Variants in STARD7 observed in about 807,000 individuals in gnomAD.
The protein encoded by STARD7 is StAR related lipid transfer domain containing 7, also known as stAR-related lipid transfer protein 7, mitochondrial.
In STARD7, 30 loss-of-function variants were observed where a neutral mutation model predicts 45.3. The observed-to-expected ratio is 0.66, with a 90% CI of 0.50 to 0.90. STARD7 has a LOEUF of 0.90. STARD7 is among the 40% of genes least tolerant of loss of function. The pLI is 0.00. For synonymous variants in STARD7, 199 were observed against 183.0 expected, an observed-to-expected ratio of 1.09 and a Z score of -0.70; for missense variants, 495 against 491.3, an observed-to-expected ratio of 1.01 and a Z score of -0.07.
At chr2:96,201,313 G>A (rs939573242) in intron 1 of STARD7, among the ~76,000 whole-genome samples, 4 of 150,310 alleles carry the variant, frequency 2.7e-5, no homozygotes, top group African/African-American at 4.9e-5. Context: ...AGTGGTTCAC[G>A]CCTATAATCC....
Position 96,208,168 on chromosome 2 carries a change from C to T in STARD7, c.267G>A (p.Arg89=), listed in dbSNP as rs2104213534. 6.3e-7 allele frequency: 1 copy of T among 1,598,568 alleles called. No individual in the cohort carries two copies. The highest frequency in any genetic ancestry group is 8.5e-7 in the Non-Finnish European group (1 of 1,173,222). ...LAGVFVWDEE[R]IQEEELQRSI... Reference sequence around the variant, plus strand: ...ACCTCTGCAACTCCTCCTCCTGGATCCTCTCCTCGTCCCAAACGAAGACGC... The same window carrying T: ...ACCTCTGCAACTCCTCCTCCTGGATTCTCTCCTCGTCCCAAACGAAGACGC... The change falls in exon 1 of 8, where the codon AGG becomes AGA. Residue 89 remains arginine (R), a synonymous_variant. Transcript: ENST00000337288.
In STARD7 at chr2:96,208,611, C is replaced by G. The variant is rs1683450076; in HGVS notation, c.-177G>C. 1.9e-6 allele frequency: 1 copy of G among 517,358 alleles called. No homozygotes were observed. Among genetic ancestry groups the G allele is most frequent in the Non-Finnish European group, 3.2e-6 (1 of 309,356 alleles). The allele number at this position is 517,358 out of a possible 1,614,324, so 32.0% of individuals were successfully genotyped here. A position where few individuals can be genotyped will look rare whatever the true frequency, so the allele number is the denominator to read the frequency against. ...AGCCACCGCTGAGGAAGAGTCTCCT[C>G]TGAGGGGAGAGTCGGTCATGGCAGC... On this transcript the variant is annotated 5_prime_UTR_variant, in exon 1 of 8. Transcript: ENST00000337288.
rs1683150497 is a variant in STARD7, at chr2:96,193,101, G to T, written c.720C>A (p.Asn240Lys). The change falls in exon 5 of 8, where the codon AAC (asparagine) becomes AAA (lysine). Residue 240 changes from asparagine to lysine, a missense_variant. By Grantham distance (94) the Asn-to-Lys change is moderately conservative. This residue lies in a region of STARD7 where 213 missense variants were observed against 271.2 expected (regional missense o/e 0.79). Transcript: ENST00000337288. ...ACCGCGACACCAACACCATCATGTTGTTTTCCTGATCCACACTATACCGCC... is the reference window on the plus strand; with the variant it reads ...ACCGCGACACCAACACCATCATGTTTTTTTCCTGATCCACACTATACCGCC... ...YVRRYSVDQE[N>K]NMMVLVSRAV... The T allele has an allele frequency of 6.2e-6, 10 of 1,613,612 alleles. No homozygotes were observed. In the East Asian group the frequency reaches 2.0e-4, roughly 32 times the overall value.
Position 96,186,639 on chromosome 2 carries a change from A to G in STARD7, c.*91T>C. The G allele has an allele frequency of 1.0e-6, 1 of 959,292 alleles. No individual in the cohort carries two copies. Among genetic ancestry groups the G allele is most frequent in the Non-Finnish European group, 1.5e-6 (1 of 658,646 alleles). 59.4% of individuals were successfully genotyped at this position (959,292 alleles called of 1,614,324 possible). A position where few individuals can be genotyped will look rare whatever the true frequency, so the allele number is the denominator to read the frequency against. On this transcript the variant is annotated 3_prime_UTR_variant, in exon 8 of 8. Transcript: ENST00000337288. ...CTGGAAGTTACAGCAGATGCCTTCT[A>G]ATACATGTGGCATGTCCCCCTTCTA...
At chr2:96,189,752 C>T (rs930479549) in intron 6 of STARD7, among the ~76,000 whole-genome samples, 6 of 151,390 alleles carry the variant, frequency 4.0e-5, no homozygotes, top group African/African-American at 1.5e-4. Flanking sequence ...GTATGCACAT[C>T]CTGAAGACAA....
chr2:96,207,893 TCTTG>T (rs1300693339), intron 1 of STARD7, among the ~76,000 whole-genome samples: 5 of 152,236 alleles, frequency 3.3e-5, no homozygotes, highest in Non-Finnish European at 7.3e-5. Flanking sequence ...TTCTTTACTG[TCTTG>T]CTCGCCCCAC....
At chr2:96,189,219 G>A (rs922958636) in intron 6 of STARD7, among the ~76,000 whole-genome samples, 62 of 152,244 alleles carry the variant, frequency 4.1e-4, no homozygotes, top group African/African-American at 1.3e-3. Flanking sequence ...AAAGTGCTGC[G>A]ATTACAGGCA....
At chr2:96,202,443 C>A (rs1212884614) in intron 1 of STARD7, among the ~76,000 whole-genome samples, 1 of 152,050 alleles carries the variant, frequency 6.6e-6, no homozygotes, top group African/African-American at 2.4e-5. Context: ...AACCAAGAAC[C>A]CTGACCAGCT....
At chr2:96,191,636 T>C (rs1683126817) in intron 6 of STARD7, among the ~76,000 whole-genome samples, 1 of 151,782 alleles carries the variant, frequency 6.6e-6, no homozygotes, top group Non-Finnish European at 1.5e-5. Flanking sequence ...CCTGCTTTCC[T>C]CTCTATCCAG....
rs1290690429 is a variant in STARD7, at chr2:96,208,269, C to T, written c.166G>A (p.Val56Ile). The T allele has an allele frequency of 6.2e-7, 1 of 1,611,688 alleles. No homozygotes were observed. Among genetic ancestry groups the T allele is most frequent in the East Asian group, 2.2e-5 (1 of 44,828 alleles). Residue 56 changes from valine (V) to isoleucine (I), a missense_variant, in exon 1 of 8, where the codon GTT (valine) becomes ATT (isoleucine). Coordinates refer to ENST00000337288, the MANE Select transcript of STARD7 (RefSeq NM_020151.4). Reference protein sequence around the residue: ...GRLYSESSRRVLLGRLWRRLH... With the variant: ...GRLYSESSRRILLGRLWRRLH... The stretch of plus-strand genomic sequence containing the variant: ...CGGCGCCAGAGGCGGCCGAGGAGAA[C>T]GCGGCGTGAGCTCTCGGAGTAGAGG...
intron 1 of STARD7, among the ~76,000 whole-genome samples, chr2:96,197,005 G>A (rs952199526): frequency 6.6e-6 from 1 of 150,756 alleles, no homozygotes; most frequent in South Asian, 2.1e-4. Flanking sequence ...GGCGGAGGTT[G>A]CAGGGAGCCA....
chr2:96,193,452 C>T lies in STARD7; in HGVS notation c.550-100G>A, dbSNP rs1359243612. ...GGTCTCTGATCCAAGAATCTTATTA[C>T]AAGGAGAGAGTAATCTGACCTAACA... On this transcript the variant is annotated intron_variant, in intron 3 of 7. Transcript: ENST00000337288. 2.8e-4 allele frequency: 220 copies of T among 788,716 alleles called. 1 individual carries two copies. Among genetic ancestry groups the T allele is most frequent in the Non-Finnish European group, 2.7e-5 (12 of 447,476 alleles). 48.9% of individuals were successfully genotyped at this position (788,716 alleles called of 1,614,324 possible).
At chr2:96,192,996 TA>T in intron 5 of STARD7, 81 bp downstream of exon 5, 1 of 1,015,956 alleles carries the variant, frequency 9.8e-7, no homozygotes, top group Non-Finnish European at 1.5e-6. Context: ...CATAGGACAC[TA>T]AGAATATACA....
chr2:96,197,089 A>AC (rs1558735835), intron 1 of STARD7, among the ~76,000 whole-genome samples: 1 of 139,042 alleles, frequency 7.2e-6, no homozygotes, highest in African/African-American at 2.5e-5. Flanking sequence ...AATAAAATAA[A>AC]ATAAAATAAA....
chr2:96,197,099 A>C (rs565443008), intron 1 of STARD7, among the ~76,000 whole-genome samples: 3,306 of 142,228 alleles, frequency 0.023, 152 homozygotes, highest in South Asian at 0.038. Context: ...AATAAAATAA[A>C]ATAAAATAAA....
Position 96,208,643 on chromosome 2 carries a change from C to T in STARD7, c.-209G>A, listed in dbSNP as rs1027977645. On this transcript the variant is annotated 5_prime_UTR_variant, in exon 1 of 8. Coordinates refer to ENST00000337288, the MANE Select transcript of STARD7 (RefSeq NM_020151.4). ...GAGAGTCGGTCATGGCAGCAGACGC[C>T]GGGATGGCTCCGCGACTGCTACACC... 4 of 468,376 alleles carry T rather than the reference C, an allele frequency of 8.5e-6. No homozygotes were observed. The highest frequency in any genetic ancestry group is 1.1e-5 in the Non-Finnish European group (3 of 269,910). 29.0% of individuals were successfully genotyped at this position (468,376 alleles called of 1,614,324 possible). A position where few individuals can be genotyped will look rare whatever the true frequency, so the allele number is the denominator to read the frequency against.
intron 1 of STARD7, 63 bp downstream of exon 1, chr2:96,208,082 A>G: frequency 7.0e-7 from 1 of 1,431,234 alleles, no homozygotes. Flanking sequence ...ACCACAGGGC[A>G]GGCCCCAGGG....
At chr2:96,187,027 C>A in intron 7 of STARD7, 113 bp from the exon 8 acceptor site, 1 of 1,061,292 alleles carries the variant, frequency 9.4e-7, no homozygotes, top group Admixed American at 2.8e-5. Context: ...ATAAAGATCA[C>A]AACCTGACTA....
rs527764696 is a variant in STARD7, at chr2:96,201,449, G to A, written c.291-5900C>T. Among the ~76,000 whole-genome samples the A allele has an allele frequency of 3.0e-4, 45 of 147,674 alleles. No homozygotes were observed. The South Asian group carries it at 9.1e-3, about 30-fold the overall frequency. On this transcript the variant is annotated intron_variant, in intron 1 of 7. Transcript: ENST00000337288. The stretch of plus-strand genomic sequence containing the variant: ...AAAATTACACAACAAATAGCTGGGC[G>A]TAGTGGCATGCAGCTGTAGTCCCAG...
Sources: allele counts gnomAD v4.1 joint callset (sites outside exome capture counted in the v4.1 genomes callset), GRCh38; gene constraint gnomAD v4.1.1; regional missense constraint gnomAD v4.1.1; transcripts MANE v1.5; gene names NCBI Gene and HGNC (gene_info 2026-07-23, HGNC 2026-07-21).